Variants in PCDHGB4 observed in about 807,000 individuals in gnomAD.
PCDHGB4 encodes protocadherin gamma subfamily B, 4.
A neutral mutation model predicts 60.5 loss-of-function variants in PCDHGB4; 38 were observed. That is an observed-to-expected ratio of 0.63 (90% confidence interval 0.48 to 0.82). PCDHGB4 has a LOEUF of 0.82. PCDHGB4 is among the 40% of genes least tolerant of loss of function. PCDHGB4 has a pLI of 0.00. For synonymous variants in PCDHGB4, 456 were observed against 509.7 expected (o/e 0.89, Z 1.42); for missense variants, 1,109 against 1,209.6 (o/e 0.92, Z 1.23).
chr5:141,418,586 A>C lies in PCDHGB4; in HGVS notation c.2397+28305A>C, dbSNP rs1422171892. ...TGCCAATGACAACCCCCCAGTGTTC[A>C]GCCAGGACGTGTACAGGGTTAGCCT... On this transcript the variant is annotated intron_variant, in intron 1 of 3. Transcript: ENST00000519479. The C allele has an allele frequency of 1.9e-6, 3 of 1,613,930 alleles. No individual in the cohort carries two copies. In the Admixed American group the frequency reaches 5.0e-5, roughly 27 times the overall value.
rs139832920 is a variant in PCDHGB4, at chr5:141,432,866, G to T, written c.2397+42585G>T. On this transcript the variant is annotated intron_variant, in intron 1 of 3. Coordinates refer to ENST00000519479, the MANE Select transcript of PCDHGB4 (RefSeq NM_003736.4). This position sits in a 1 kb window ranked among gnomAD's most constrained non-coding sequence, Gnocchi z 6.0. ...GGTAGCGGTGGCCGCGGTCTCCTGC[G>T]TCTTCCTGGCCTTCGTCATCTTGCT... The T allele has an allele frequency of 1.9e-6, 3 of 1,614,034 alleles. No individual in the cohort carries two copies. The African/African-American group carries it at 4.0e-5, about 22-fold the overall frequency.
chr5:141,423,864 G>T, intron 1 of PCDHGB4: 4 of 1,284,224 alleles, frequency 3.1e-6, no homozygotes, highest in Non-Finnish European at 3.9e-6. Flanking sequence ...TTTTGTGAAA[G>T]TCATTTTTCA....
chr5:141,495,545 A>G (rs1174346915), intron 2 of PCDHGB4, among the ~76,000 whole-genome samples: 3 of 151,824 alleles, frequency 2.0e-5, no homozygotes, highest in Non-Finnish European at 4.4e-5. Flanking sequence ...CTCAGTCTCT[A>G]TCTCGCTTTG....
chr5:141,431,984 G>A lies in PCDHGB4; in HGVS notation c.2397+41703G>A, dbSNP rs758365921. 2 of 1,614,220 alleles carry A rather than the reference G, an allele frequency of 1.2e-6. No individual in the cohort carries two copies. The highest frequency in any genetic ancestry group is 2.2e-5 in the South Asian group (2 of 91,086). On this transcript the variant is annotated intron_variant, in intron 1 of 3. Transcript: ENST00000519479. The surrounding 1 kb of genome is among the most constrained non-coding windows in gnomAD (Gnocchi z 4.8). ...TTACTATAGTTTAGTCACAGACATAGTCTTGGATAGGGAACAGGTTCCTAG... is the reference window on the plus strand; with the variant it reads ...TTACTATAGTTTAGTCACAGACATAATCTTGGATAGGGAACAGGTTCCTAG...
At chr5:141,394,195 T>A (rs930890690) in intron 1 of PCDHGB4, 1 of 1,613,768 alleles carries the variant, frequency 6.2e-7, no homozygotes, top group Non-Finnish European at 8.5e-7. Context: ...TCAGCGTATA[T>A]CCTAGAGAAC....
intron 1 of PCDHGB4, chr5:141,413,729 GAGTTC>G: frequency 6.2e-7 from 1 of 1,613,496 alleles, no homozygotes; most frequent in Non-Finnish European, 8.5e-7. Flanking sequence ...TTCTCCCTAA[GAGTTC>G]AGAGCCGTGC....
rs1259098111 is a variant in PCDHGB4 at position 141,489,418 on chromosome 5, T to C, written c.2398-5389T>C. On this transcript the variant is annotated intron_variant, in intron 1 of 3. Coordinates refer to ENST00000519479, the MANE Select transcript of PCDHGB4 (RefSeq NM_003736.4). This position sits in a 1 kb window ranked among gnomAD's most constrained non-coding sequence, Gnocchi z 4.5. ...TCTGGGCTTAAAGATGACAGATCTGTTGAGCCGGCGGCTGCAATTGGGCTC... is the reference window on the plus strand; with the variant it reads ...TCTGGGCTTAAAGATGACAGATCTGCTGAGCCGGCGGCTGCAATTGGGCTC... The C allele has an allele frequency of 1.2e-6, 2 of 1,614,174 alleles. No individual in the cohort carries two copies. The highest frequency in any genetic ancestry group is 8.5e-7 in the Non-Finnish European group (1 of 1,180,032).
At position 141,422,383 on chromosome 5, in the gene PCDHGB4, T is replaced by C. The variant is rs201301291; in HGVS notation, c.2397+32102T>C. On this transcript the variant is annotated intron_variant, in intron 1 of 3. Transcript: ENST00000519479. ...TGGAGAAAATGGTCAAGTCTCCTGT[T>C]TTATTCCTAACCACCTGCCTTTTAA... 554 of 1,586,008 alleles carry C rather than the reference T, an allele frequency of 3.5e-4. 2 individuals are homozygous for C. The African/African-American group carries it at 6.9e-3, about 20-fold the overall frequency.
intron 2 of PCDHGB4, among the ~76,000 whole-genome samples, chr5:141,500,942 C>T (rs937418207): frequency 2.0e-5 from 3 of 151,926 alleles, no homozygotes; most frequent in Non-Finnish European, 4.4e-5. Context: ...CATCTCGGCT[C>T]ACTGCAAGCT....
rs764168847 is a variant in PCDHGB4 at position 141,389,195 on chromosome 5, C to T, written c.1311C>T (p.Thr437=). The change falls in exon 1 of 4, where the codon ACC becomes ACT. Residue 437 remains threonine, a synonymous_variant. Transcript: ENST00000519479. ...CCCTCTCCTCCAGTTCCAGCATCAC[C>T]CTGCACATTGGTGATGTAAATGACA... ...KPPLSSSSSI[T]LHIGDVNDNA... 2 of 1,614,052 alleles carry T rather than the reference C, an allele frequency of 1.2e-6. No individual in the cohort carries two copies. The highest frequency in any genetic ancestry group is 1.7e-6 in the Non-Finnish European group (2 of 1,179,898).
intron 1 of PCDHGB4, among the ~76,000 whole-genome samples, chr5:141,462,264 G>A (rs966953621): frequency 1.3e-5 from 2 of 152,174 alleles, no homozygotes; most frequent in African/African-American, 4.8e-5. Context: ...CCAGCCTAAA[G>A]TGTATTGTTT....
chr5:141,391,882 A>C (rs2092435224), intron 1 of PCDHGB4: 1 of 152,226 alleles, frequency 6.6e-6, no homozygotes, highest in Middle Eastern at 3.2e-3. Flanking sequence ...CTTTGGTGAA[A>C]GGGATGGGAT....
intron 1 of PCDHGB4, among the ~76,000 whole-genome samples, chr5:141,439,422 A>C (rs1476209707): frequency 6.6e-6 from 1 of 152,188 alleles, no homozygotes; most frequent in Non-Finnish European, 1.5e-5. Context: ...TGAGGTTATA[A>C]ATTCCCAGGA....
intron 1 of PCDHGB4, among the ~76,000 whole-genome samples, chr5:141,425,769 A>C (rs1355689852): frequency 6.6e-6 from 1 of 152,256 alleles, no homozygotes; most frequent in Non-Finnish European, 1.5e-5. Flanking sequence ...ACAGGAGAGA[A>C]GACTTTGCCT....
rs781336795 is a variant in PCDHGB4, at chr5:141,477,936, C to T, written c.2398-16871C>T. Reference sequence around the variant, plus strand: ...GATGCAGGGCACAATGCCTGGCTCTCCTACAGTCTCTTGGGATCCCCTAAC... The same window carrying T: ...GATGCAGGGCACAATGCCTGGCTCTTCTACAGTCTCTTGGGATCCCCTAAC... On this transcript the variant is annotated intron_variant, in intron 1 of 3. Transcript: ENST00000519479. This position sits in a 1 kb window ranked among gnomAD's most constrained non-coding sequence, Gnocchi z 4.9. 1.2e-6 allele frequency: 2 copies of T among 1,614,170 alleles called. No homozygotes were observed. The highest frequency in any genetic ancestry group is 1.1e-5 in the South Asian group (1 of 91,088).
In PCDHGB4 at chr5:141,487,365, G is replaced by A. The variant is rs1466536791; in HGVS notation, c.2398-7442G>A. On this transcript the variant is annotated intron_variant, in intron 1 of 3. Coordinates refer to ENST00000519479, the MANE Select transcript of PCDHGB4 (RefSeq NM_003736.4). This position sits in a 1 kb window ranked among gnomAD's most constrained non-coding sequence, Gnocchi z 5.0. ...GTCACATGCTTTCCTGCTGGCACCT[G>A]TGCCTGTCTCACCAGATCTCGAAGG... The A allele has an allele frequency of 1.2e-6, 2 of 1,614,068 alleles. No homozygotes were observed. Among genetic ancestry groups the A allele is most frequent in the South Asian group, 1.1e-5 (1 of 91,088 alleles).
chr5:141,448,896 G>C (rs560617459), intron 1 of PCDHGB4, among the ~76,000 whole-genome samples: 5 of 152,302 alleles, frequency 3.3e-5, no homozygotes, highest in African/African-American at 1.2e-4. Context: ...AGTGAGCCGA[G>C]ATCGTGCCAC....
At chr5:141,418,136 G>C (rs1218707482) in intron 1 of PCDHGB4, 15 of 1,613,984 alleles carry the variant, frequency 9.3e-6, no homozygotes, top group Non-Finnish European at 1.1e-5. Flanking sequence ...AATAGACCGT[G>C]AGCAAATATG....
In PCDHGB4 at chr5:141,399,480, G is replaced by T. The variant is rs760135566; in HGVS notation, c.2397+9199G>T. ...ATAACGCTCCGGTTTTCCACCAGGC[G>T]TCCTACTTAGTCAGTGTACCCGAAA... On this transcript the variant is annotated intron_variant, in intron 1 of 3. Coordinates refer to ENST00000519479, the MANE Select transcript of PCDHGB4 (RefSeq NM_003736.4). The T allele has an allele frequency of 1.9e-5, 31 of 1,613,886 alleles. No homozygotes were observed. In the South Asian group the frequency reaches 3.2e-4, roughly 17 times the overall value.
Sources: gnomAD v4.1 joint callset for allele counts (sites outside exome capture counted in the v4.1 genomes callset) on GRCh38, gnomAD v4.1.1 for gene constraint, Gnocchi (gnomAD v3.1) non-coding constraint, MANE v1.5 for transcripts, NCBI Gene and HGNC (gene_info 2026-07-23, HGNC 2026-07-21) for gene names.